The following COL5A3 variants were observed in gnomAD, a reference collection of about 807,000 sequenced individuals.
COL5A3 encodes collagen type V alpha 3 chain, also known as collagen alpha-3(V) chain.
COL5A3 carries 172 observed loss-of-function variants against 250.0 expected under a neutral mutation model. That is an observed-to-expected ratio of 0.69 (90% CI 0.61 to 0.78). COL5A3 has a LOEUF of 0.78. COL5A3 is among the 30% of genes least tolerant of loss of function. The pLI is 0.00. For synonymous variants in COL5A3, 937 were observed against 900.4 expected, an observed-to-expected ratio of 1.04 and a Z score of -0.73; for missense variants, 2,340 against 2,334.4, an observed-to-expected ratio of 1.00 and a Z score of -0.05.
At chr19:9,964,534 G>T (rs528698395) in intron 64 of COL5A3, among the ~76,000 whole-genome samples, 1 of 152,130 alleles carries the variant, frequency 6.6e-6, no homozygotes, top group Admixed American at 6.5e-5. Flanking sequence ...AACCCAGGAG[G>T]TTAAGGCTGC....
chr19:9,969,989 T>G, intron 54 of COL5A3, 67 bp from the exon 55 acceptor site: 1 of 1,207,870 alleles, frequency 8.3e-7, no homozygotes, highest in Non-Finnish European at 1.2e-6. Context: ...GAGTGGGGTC[T>G]GGGTGACTGG....
At chr19:9,993,896 GA>G (rs2087233526) in intron 16 of COL5A3, 90 bp from the exon 17 acceptor site, 2 of 1,227,682 alleles carry the variant, frequency 1.6e-6, no homozygotes, top group African/African-American at 3.0e-5. Context: ...TCAACATCAA[GA>G]TTTTTTTTTT....
chr19:9,961,660 G>A (rs1032967705), intron 65 of COL5A3, among the ~76,000 whole-genome samples: 5 of 150,716 alleles, frequency 3.3e-5, no homozygotes, highest in East Asian at 2.0e-4. Context: ...CCGGGTTCAC[G>A]CCTTTCTCCT....
chr19:9,999,271 A>G (rs1226752099), intron 8 of COL5A3, among the ~76,000 whole-genome samples: 1 of 148,710 alleles, frequency 6.7e-6, no homozygotes, highest in African/African-American at 2.5e-5. Flanking sequence ...GCTCACTGCA[A>G]CCTCGATCTC....
intron 6 of COL5A3, among the ~76,000 whole-genome samples, chr19:10,003,215 T>TC (rs1357014476): frequency 1.3e-5 from 2 of 151,838 alleles, no homozygotes; most frequent in South Asian, 4.2e-4. Flanking sequence ...CAGCCAATGA[T>TC]CCCCCCTTAA....
At chr19:9,989,062 C>G in intron 27 of COL5A3, 62 bp downstream of exon 27, 1 of 1,533,644 alleles carries the variant, frequency 6.5e-7, no homozygotes, top group Non-Finnish European at 9.0e-7. Flanking sequence ...TCTGATGGAG[C>G]TGCATCGCAT....
intron 62 of COL5A3, 45 bp downstream of exon 62, chr19:9,967,300 TCC>T: frequency 7.4e-7 from 1 of 1,346,736 alleles, no homozygotes; most frequent in Non-Finnish European, 9.7e-7. Flanking sequence ...GTCCTTGCTC[TCC>T]CCCCAGGTTT....
Position 10,010,419 on chromosome 19 carries a change from G to A in COL5A3, c.-34C>T, listed in dbSNP as rs2087513642. 2 of 1,331,780 alleles carry A rather than the reference G, an allele frequency of 1.5e-6. No homozygotes were observed. Among genetic ancestry groups the A allele is most frequent in the Non-Finnish European group, 1.9e-6 (2 of 1,030,398 alleles). The allele number at this position is 1,331,780 out of a possible 1,614,324, so 82.5% of individuals were successfully genotyped here. On this transcript the variant is annotated 5_prime_UTR_variant, in exon 1 of 67. Transcript: ENST00000264828. ...GGCCCACGGGCAAGGCGGGGAACCA[G>A]TCGGGGCGGCTGCGGGGCGCGGCGA...
chr19:9,993,708 G>A (rs779797367), intron 17 of COL5A3, 36 bp from the exon 18 acceptor site: 1 of 1,614,010 alleles, frequency 6.2e-7, no homozygotes, highest in Non-Finnish European at 8.5e-7. Flanking sequence ...GACCCCATAA[G>A]CCTGACAGCT....
At chr19:9,997,591 A>G (rs1364842908) in intron 10 of COL5A3, among the ~76,000 whole-genome samples, 158 bp from the exon 11 acceptor site, 1 of 151,498 alleles carries the variant, frequency 6.6e-6, no homozygotes, top group South Asian at 2.1e-4. Flanking sequence ...CTCACCCCCA[A>G]CGCTACTCTC....
At position 9,970,629 on chromosome 19, in the gene COL5A3, C is replaced by T; in HGVS notation, c.3929G>A (p.Gly1310Asp). The T allele has an allele frequency of 1.4e-6, 2 of 1,447,350 alleles. No homozygotes were observed. Among genetic ancestry groups the T allele is most frequent in the Non-Finnish European group, 1.8e-6 (2 of 1,101,420 alleles). The allele number at this position is 1,447,350 out of a possible 1,614,324, so 89.7% of individuals were successfully genotyped here. The change falls in exon 54 of 67, where the codon GGC becomes GAC. Residue 1310 changes from glycine (G) to aspartate (D), a missense_variant. Physicochemically the swap from Gly to Asp is moderately conservative, Grantham distance 94. Around this residue, in one of 3 missense-constraint regions of COL5A3, gnomAD observed 1,179 missense variants for 1,162.6 expected, o/e 1.01. Transcript: ENST00000264828. ...SGEPGAPGPP[G>D]KRGPSGHMGR... The stretch of plus-strand genomic sequence containing the variant: ...AGGTGGCTTATCACTTACCCTCTTG[C>T]CGGGGGGCCCGGGGGCGCCGGGCTC...
At chr19:9,965,696 G>GC (rs2086734680) in intron 64 of COL5A3, among the ~76,000 whole-genome samples, 1 of 94,622 alleles carries the variant, frequency 1.1e-5, no homozygotes, top group Non-Finnish European at 2.3e-5. Context: ...CAGGTGATCT[G>GC]CCCCCGCTTG....
At chr19:9,966,216 T>C in intron 64 of COL5A3, 98 bp downstream of exon 64, 7 of 918,462 alleles carry the variant, frequency 7.6e-6, no homozygotes, top group Admixed American at 2.2e-5. Flanking sequence ...TAAATGCCGG[T>C]TGAAGGAAGG....
At position 10,009,161 on chromosome 19, in the gene COL5A3, G is replaced by GGTGTGTGTGTGT. The variant is rs4044577; in HGVS notation, c.88+1125_88+1136dup. 1.4e-4 allele frequency among the ~76,000 whole-genome samples: 19 copies of GGTGTGTGTGTGT among 140,434 alleles called. No individual in the cohort carries two copies. Among genetic ancestry groups the GGTGTGTGTGTGT allele is most frequent in the East Asian group, 6.3e-4 (3 of 4,730 alleles). The allele number at this position is 140,434 out of a possible 152,430, so 92.1% of individuals were successfully genotyped here. A position where few individuals can be genotyped will look rare whatever the true frequency, so the allele number is the denominator to read the frequency against. On this transcript the variant is annotated intron_variant, in intron 1 of 66. Coordinates refer to ENST00000264828, the MANE Select transcript of COL5A3 (RefSeq NM_015719.4). The surrounding 1 kb of genome is among the most constrained non-coding windows in gnomAD (Gnocchi z 4.4). ...GACTCCAAAGTAAGAAGTGTGCTGT[G>GGTGTGTGTGTGT]GTGTGTGTGTGTGTGTGTGTGTGTG...
intron 8 of COL5A3, among the ~76,000 whole-genome samples, chr19:10,000,811 A>G (rs2087349615): frequency 6.6e-6 from 1 of 152,116 alleles, no homozygotes; most frequent in Non-Finnish European, 1.5e-5. Context: ...TCAAGATGTG[A>G]GAAAAGTAAG....
chr19:10,006,953 C>T (rs1296547573), intron 1 of COL5A3, among the ~76,000 whole-genome samples: 2 of 151,760 alleles, frequency 1.3e-5, no homozygotes, highest in Non-Finnish European at 2.9e-5. Context: ...TGACCCTCCT[C>T]TATGAACTTC....
intron 49 of COL5A3, 35 bp downstream of exon 49, chr19:9,973,721 T>C (rs967146274): frequency 6.2e-7 from 1 of 1,613,482 alleles, no homozygotes; most frequent in African/African-American, 1.3e-5. Flanking sequence ...GATTTATCTC[T>C]TCCCCCCGTG....
chr19:9,993,765 G>A lies in COL5A3; in HGVS notation c.1629C>T (p.Asp543=), dbSNP rs757832517. The A allele has an allele frequency of 1.9e-6, 3 of 1,614,016 alleles. No homozygotes were observed. The highest frequency in any genetic ancestry group is 2.5e-6 in the Non-Finnish European group (3 of 1,180,028). Residue 543 remains aspartate, a synonymous_variant, in exon 17 of 67, where the codon GAC becomes GAT. Coordinates refer to ENST00000264828, the MANE Select transcript of COL5A3 (RefSeq NM_015719.4). ...CCCCATCACCTACCTTAGGTCCAGT[G>A]TCCCCTGGGAGGCCCCGAGCTCCAT... The part of the protein sequence containing the change: ...GADGARGLPG[D]TGPKGDRGFD...
rs758582406 is a variant in COL5A3 at position 9,996,049 on chromosome 19, A to G, written c.1533+17T>C. On this transcript the variant is annotated intron_variant, in intron 15 of 66. Coordinates refer to ENST00000264828, the MANE Select transcript of COL5A3 (RefSeq NM_015719.4). ...GGCTATTCCCATCCTATCCTGCCCTATCTCCACAAGTCTCACCTGTGGCCC... is the reference window on the plus strand; with the variant it reads ...GGCTATTCCCATCCTATCCTGCCCTGTCTCCACAAGTCTCACCTGTGGCCC... The G allele has an allele frequency of 4.5e-6, 7 of 1,548,060 alleles. No homozygotes were observed. In the African/African-American group the frequency reaches 9.6e-5, roughly 21 times the overall value.
Sources: gnomAD v4.1 joint callset for allele counts (sites outside exome capture counted in the v4.1 genomes callset) on GRCh38, gnomAD v4.1.1 for gene constraint, gnomAD v4.1.1 regional missense constraint, Gnocchi (gnomAD v3.1) non-coding constraint, MANE v1.5 for transcripts, NCBI Gene and HGNC (gene_info 2026-07-23, HGNC 2026-07-21) for gene names.